The following ETV1 variants were observed in gnomAD, a reference collection of about 807,000 sequenced individuals.
ETV1 encodes the protein ETS variant transcription factor 1.
Under a neutral mutation model 62.3 loss-of-function variants are expected in ETV1, and 27 were observed. The observed-to-expected ratio is 0.43, with a 90% CI of 0.32 to 0.60. The LOEUF (loss-of-function observed/expected upper bound fraction) is 0.60. Among genes scored for constraint, ETV1 ranks in the 20% least tolerant of loss-of-function variants. The probability of loss-of-function intolerance (pLI) is 0.06; values close to 1 mark genes in which losing one functional copy is unlikely to be tolerated. For missense variants in ETV1, 605 were observed against 605.8 expected, an observed-to-expected ratio of 1.00 and a Z score of 0.01; for synonymous variants, 222 against 199.6, an observed-to-expected ratio of 1.11 and a Z score of -0.94.
chr7:13,987,017 A>C (rs1782608098), intron 4 of ETV1: 1 of 232,752 alleles, frequency 4.3e-6, no homozygotes, highest in South Asian at 7.4e-5. Flanking sequence ...GTTCACTGAA[A>C]TCTTCCTTAA....
chr7:13,949,721 G>T (rs538971841), intron 6 of ETV1, among the ~76,000 whole-genome samples: 1 of 152,102 alleles, frequency 6.6e-6, no homozygotes, highest in African/African-American at 2.4e-5. Context: ...CAAAACAAGC[G>T]ATAACATTTC....
At chr7:13,983,388 C>T (rs992262022) in intron 5 of ETV1, among the ~76,000 whole-genome samples, 14 of 151,904 alleles carry the variant, frequency 9.2e-5, no homozygotes, top group African/African-American at 3.1e-4. Context: ...GTTCTGGATA[C>T]ACAAGAGGTT....
chr7:13,922,465 T>C (rs1442400057), intron 9 of ETV1, among the ~76,000 whole-genome samples: 1 of 152,188 alleles, frequency 6.6e-6, no homozygotes, highest in Non-Finnish European at 1.5e-5. Context: ...CATTGGAATG[T>C]TCAGACAGTG....
intron 6 of ETV1, among the ~76,000 whole-genome samples, chr7:13,958,047 A>C (rs1186699047): frequency 6.6e-6 from 1 of 152,226 alleles, no homozygotes; most frequent in African/African-American, 2.4e-5. Context: ...CAAGGCATAC[A>C]TAAATTCTTA....
upstream of ETV1, chr7:13,990,456 A>T (rs573707729): frequency 1.4e-5 from 2 of 146,240 alleles, no homozygotes; most frequent in Non-Finnish European, 2.9e-5. Context: ...GGCTGTGGGG[A>T]GGAGGAGGGA....
rs113561960 is a variant in ETV1, at chr7:13,966,692, A to T, written c.235+10735T>A. Among the ~76,000 whole-genome samples, 8 of 152,250 alleles carry T rather than the reference A, an allele frequency of 5.3e-5. 1 individual carries two copies. Among genetic ancestry groups the T allele is most frequent in the African/African-American group, 1.9e-4 (8 of 41,558 alleles). On this transcript the variant is annotated intron_variant, in intron 6 of 13. Transcript: ENST00000430479. ...AAACAAAAAAACCTAAAATTACATGAAACCTAAGCACATTTTCTTCAATAT... is the reference window on the plus strand; with the variant it reads ...AAACAAAAAAACCTAAAATTACATGTAACCTAAGCACATTTTCTTCAATAT...
intron 6 of ETV1, among the ~76,000 whole-genome samples, chr7:13,976,732 G>A (rs976919465): frequency 3.9e-5 from 6 of 152,124 alleles, no homozygotes; most frequent in Non-Finnish European, 2.9e-5. Context: ...AGGCAACCAC[G>A]TTTGTACAGG....
At chr7:13,932,359 ACCCAAG>A (rs1330919461) in intron 8 of ETV1, among the ~76,000 whole-genome samples, 1 of 152,152 alleles carries the variant, frequency 6.6e-6, no homozygotes, top group East Asian at 1.9e-4. Flanking sequence ...AAGGACTCAA[ACCCAAG>A]CCGGTTGTAA....
intron 6 of ETV1, among the ~76,000 whole-genome samples, chr7:13,965,313 G>A (rs995963398): frequency 1.3e-5 from 2 of 152,142 alleles, no homozygotes; most frequent in Non-Finnish European, 2.9e-5. Context: ...ACAGCTATTC[G>A]CTCAGATGAG....
At chr7:13,916,534 A>G (rs1353304024) in intron 9 of ETV1, among the ~76,000 whole-genome samples, 2 of 152,076 alleles carry the variant, frequency 1.3e-5, no homozygotes, top group African/African-American at 4.8e-5. Context: ...GCTACTCGGG[A>G]GGCTGAGGCA....
chr7:13,935,622 C>T (rs1786714100), intron 8 of ETV1, 86 bp downstream of exon 8: 7 of 1,127,710 alleles, frequency 6.2e-6, no homozygotes, highest in Non-Finnish European at 9.1e-6. Context: ...CACCTTAAAT[C>T]TACTCTAGGC....
chr7:13,903,190 C>T (rs545742812), intron 12 of ETV1, among the ~76,000 whole-genome samples: 11 of 152,218 alleles, frequency 7.2e-5, no homozygotes, highest in South Asian at 2.1e-4. Flanking sequence ...TCCTTATATA[C>T]GCCTTCAAAT....
chr7:13,934,125 G>A (rs759193788), intron 8 of ETV1, among the ~76,000 whole-genome samples: 22 of 152,094 alleles, frequency 1.4e-4, no homozygotes, highest in Non-Finnish European at 2.5e-4. Context: ...TCTGTTTAAT[G>A]GCCCACCCTG....
intron 9 of ETV1, among the ~76,000 whole-genome samples, chr7:13,914,370 CA>C (rs1418728375): frequency 6.6e-6 from 1 of 151,772 alleles, no homozygotes; most frequent in East Asian, 1.9e-4. Context: ...TAGTACTGGC[CA>C]AATCAGCTTA....
chr7:13,922,229 C>T (rs1205049366), intron 9 of ETV1, among the ~76,000 whole-genome samples: 2 of 151,910 alleles, frequency 1.3e-5, no homozygotes, highest in Admixed American at 6.6e-5. Flanking sequence ...AAGAGGGAGG[C>T]GGGCCTTGAG....
intron 13 of ETV1, among the ~76,000 whole-genome samples, chr7:13,899,425 C>T (rs1049301892): frequency 6.6e-6 from 1 of 152,152 alleles, no homozygotes; most frequent in East Asian, 1.9e-4. Context: ...TCTGAGCCAG[C>T]AAATTCTAGG....
chr7:13,901,757 G>T (rs1381452734), intron 12 of ETV1, among the ~76,000 whole-genome samples: 1 of 152,206 alleles, frequency 6.6e-6, no homozygotes, highest in Non-Finnish European at 1.5e-5. Flanking sequence ...CATTCATTTA[G>T]AGAACGGTAA....
intron 9 of ETV1, among the ~76,000 whole-genome samples, chr7:13,918,231 G>T (rs1354659987): frequency 1.3e-5 from 2 of 151,886 alleles, no homozygotes; most frequent in Non-Finnish European, 2.9e-5. Flanking sequence ...AGTTCATTTG[G>T]GTATATACCC....
Position 13,945,796 on chromosome 7 carries a change from C to T in ETV1, c.236-6550G>A, listed in dbSNP as rs144973986. Among the ~76,000 whole-genome samples the T allele has an allele frequency of 2.0e-4, 31 of 152,282 alleles. No individual in the cohort carries two copies. In the East Asian group the frequency reaches 5.2e-3, roughly 26 times the overall value. ...TCCAGTTCATTGGCACAGGCACAAG[C>T]GAAAGCAGCACATTCATTTTGTGCA... On this transcript the variant is annotated intron_variant, in intron 6 of 13. Transcript: ENST00000430479.
Sources: gnomAD v4.1 joint callset for allele counts (sites outside exome capture counted in the v4.1 genomes callset) on GRCh38, gnomAD v4.1.1 for gene constraint, MANE v1.5 for transcripts, NCBI Gene and HGNC (gene_info 2026-07-23, HGNC 2026-07-21) for gene names.